CST1: variants seen among roughly 807,000 people sequenced by gnomAD.
The protein encoded by CST1 is cystatin-SN.
Under a neutral mutation model 10.7 loss-of-function variants are expected in CST1, and 19 were observed. The observed-to-expected ratio is 1.78, with a 90% CI of 1.24 to 2.61. The LOEUF is 2.61. CST1 is among the 30% of genes most tolerant of loss of function. The probability of loss-of-function intolerance (pLI) is 0.00; values close to 1 mark genes in which losing one functional copy is unlikely to be tolerated. For synonymous variants in CST1, 95 were observed against 72.8 expected, an observed-to-expected ratio of 1.31 and a Z score of -1.55; for missense variants, 247 against 178.1, an observed-to-expected ratio of 1.39 and a Z score of -2.20.
intron 1 of CST1, among the ~76,000 whole-genome samples, chr20:23,749,627 C>A (rs1392698945): frequency 5.9e-5 from 9 of 152,014 alleles, no homozygotes; most frequent in African/African-American, 2.2e-4. Flanking sequence ...AGAATTGAAC[C>A]CTTTCCCTGC....
rs1211054292 is a variant in CST1, at chr20:23,747,796, G to C, written c.*20C>G. On this transcript the variant is annotated 3_prime_UTR_variant, in exon 3 of 3. Coordinates refer to ENST00000304749, the MANE Select transcript of CST1 (RefSeq NM_001898.3). ...GGTGGGAGTGGGTGGTGGCTGGTGCGAATGGCCTGGCACAGATCCCTAGGA... is the reference window on the plus strand; with the variant it reads ...GGTGGGAGTGGGTGGTGGCTGGTGCCAATGGCCTGGCACAGATCCCTAGGA... The C allele has an allele frequency of 6.2e-7, 1 of 1,611,452 alleles. No homozygotes were observed. The highest frequency in any genetic ancestry group is 1.7e-4 in the Middle Eastern group (1 of 6,044).
chr20:23,749,684 G>T (rs910843523), intron 1 of CST1, among the ~76,000 whole-genome samples: 8 of 151,910 alleles, frequency 5.3e-5, no homozygotes, highest in African/African-American at 1.5e-4. Flanking sequence ...GGAGAAACCT[G>T]GGATGAGGGA....
chr20:23,747,718 G>A lies in CST1; in HGVS notation c.*98C>T. The A allele has an allele frequency of 8.6e-7, 1 of 1,158,808 alleles. No individual in the cohort carries two copies. The highest frequency in any genetic ancestry group is 1.3e-6 in the Non-Finnish European group (1 of 794,728). 71.8% of individuals were successfully genotyped at this position (1,158,808 alleles called of 1,614,324 possible). A position where few individuals can be genotyped will look rare whatever the true frequency, so the allele number is the denominator to read the frequency against. On this transcript the variant is annotated 3_prime_UTR_variant, in exon 3 of 3. Transcript: ENST00000304749. Reference sequence around the variant, plus strand: ...CTGTCTCTTGGCGCAGGCACATGGGGAGGCCTCCCGCAGGGTGGGGGCCAC... The same window carrying A: ...CTGTCTCTTGGCGCAGGCACATGGGAAGGCCTCCCGCAGGGTGGGGGCCAC...
In CST1 at chr20:23,747,647, C is replaced by T; in HGVS notation, c.*169G>A. 1 of 628,234 alleles carries T rather than the reference C, an allele frequency of 1.6e-6. No homozygotes were observed. 38.9% of individuals were successfully genotyped at this position (628,234 alleles called of 1,614,324 possible). ...AGAAGCAAGAAGGAAGGAGGGAGGGCAGAGCGCCCTGCTGAGCAACAAAGG... is the reference window on the plus strand; with the variant it reads ...AGAAGCAAGAAGGAAGGAGGGAGGGTAGAGCGCCCTGCTGAGCAACAAAGG... On this transcript the variant is annotated 3_prime_UTR_variant, in exon 3 of 3. Transcript: ENST00000304749.
At chr20:23,750,538 G>T in intron 1 of CST1, 101 bp downstream of exon 1, 1 of 1,068,296 alleles carries the variant, frequency 9.4e-7, no homozygotes, top group Non-Finnish European at 1.4e-6. Context: ...CTGAGCATTA[G>T]ATCATGAATG....
chr20:23,748,848 A>T (rs1982745301), intron 2 of CST1, among the ~76,000 whole-genome samples, 168 bp downstream of exon 2: 1 of 151,634 alleles, frequency 6.6e-6, no homozygotes, highest in Non-Finnish European at 1.5e-5. Flanking sequence ...GCACACCTAC[A>T]TGCACACCCC....
At position 23,747,911 on chromosome 20, in the gene CST1, A is replaced by G; in HGVS notation, c.343-12T>C. 1.2e-6 allele frequency: 2 copies of G among 1,610,716 alleles called. No homozygotes were observed. Among genetic ancestry groups the G allele is most frequent in the South Asian group, 2.2e-5 (2 of 90,990 alleles). On this transcript the variant is annotated splice_polypyrimidine_tract_variant and intron_variant, in intron 2 of 2. Coordinates refer to ENST00000304749, the MANE Select transcript of CST1 (RefSeq NM_001898.3). ...GAGCACAACTGTTTCTGTGAAAGGG[A>G]AGAGAGAGGGCCAATCAGTGTGGGT... is the stretch of plus-strand genomic sequence containing the variant.
Position 23,750,659 on chromosome 20 carries a change from C to A in CST1, c.208G>T (p.Val70Leu), listed in dbSNP as rs948414101. Residue 70 changes from valine (V) to leucine (L), a missense_variant, in exon 1 of 3, where the codon GTA (valine) becomes TTA (leucine). Physicochemically the swap from Val to Leu is conservative, Grantham distance 32. Coordinates refer to ENST00000304749, the MANE Select transcript of CST1 (RefSeq NM_001898.3). Reference sequence around the variant, plus strand: ...CCTACCTGTTGCCTGGCTCTTAGTACCCGCAGCGGACGTCTGTAGTAGTCA... The same window carrying A: ...CCTACCTGTTGCCTGGCTCTTAGTAACCGCAGCGGACGTCTGTAGTAGTCA... Reference protein sequence around the residue: ...KDDYYRRPLRVLRARQQTVGG... With the variant: ...KDDYYRRPLRLLRARQQTVGG... The A allele has an allele frequency of 3.1e-6, 5 of 1,613,684 alleles. No homozygotes were observed. In the African/African-American group the frequency reaches 6.7e-5, roughly 22 times the overall value.
At position 23,750,681 on chromosome 20, in the gene CST1, G is replaced by C. The variant is rs3188301; in HGVS notation, c.186C>G (p.Asp62Glu). The C allele has an allele frequency of 8.1e-5, 131 of 1,613,942 alleles. No homozygotes were observed. The highest frequency in any genetic ancestry group is 3.2e-4 in the African/African-American group (24 of 74,914). Residue 62 changes from aspartate (D) to glutamate (E), a missense_variant, in exon 1 of 3, where the codon GAC becomes GAG. Transcript: ENST00000304749. ...ISEYNKATKD[D>E]YYRRPLRVLR... ...GTACCCGCAGCGGACGTCTGTAGTA[G>C]TCATCTTTGGTGGCCTTGTTATACT... is the stretch of plus-strand genomic sequence containing the variant.
rs377096439 is a variant in CST1, at chr20:23,748,383, C to T, written c.343-484G>A. Among the ~76,000 whole-genome samples, 21 of 152,208 alleles carry T rather than the reference C, an allele frequency of 1.4e-4. No homozygotes were observed. The South Asian group carries it at 3.9e-3, about 29-fold the overall frequency. Reference sequence around the variant, plus strand: ...GGAGACCTCACAAGAACCAGCAGGTCCTTGGAGAGGCTGGTGTTGGGTGAG... The same window carrying T: ...GGAGACCTCACAAGAACCAGCAGGTTCTTGGAGAGGCTGGTGTTGGGTGAG... On this transcript the variant is annotated intron_variant, in intron 2 of 2. Coordinates refer to ENST00000304749, the MANE Select transcript of CST1 (RefSeq NM_001898.3).
At chr20:23,749,253 A>G (rs1385933430) in intron 1 of CST1, 124 bp from the exon 2 acceptor site, 89 of 818,730 alleles carry the variant, frequency 1.1e-4, no homozygotes, top group Non-Finnish European at 1.7e-4. Flanking sequence ...AACACAAGGC[A>G]CACAAGCCCC....
In CST1 at chr20:23,750,634, C is replaced by T; in HGVS notation, c.228+5G>A. On this transcript the variant is annotated splice_donor_5th_base_variant and intron_variant, in intron 1 of 2. Transcript: ENST00000304749. ...CAGGACCCCTGGGGTGGAGGGAGCACCTACCTGTTGCCTGGCTCTTAGTAC... is the reference window on the plus strand; with the variant it reads ...CAGGACCCCTGGGGTGGAGGGAGCATCTACCTGTTGCCTGGCTCTTAGTAC... 3.1e-6 allele frequency: 5 copies of T among 1,613,640 alleles called. No homozygotes were observed. Among genetic ancestry groups the T allele is most frequent in the Non-Finnish European group, 4.2e-6 (5 of 1,179,902 alleles).
chr20:23,750,336 T>A (rs533428632), intron 1 of CST1, among the ~76,000 whole-genome samples: 1 of 152,228 alleles, frequency 6.6e-6, no homozygotes, highest in East Asian at 1.9e-4. Context: ...CTGGATCTCA[T>A]CCTGAGCAGC....
rs755348321 is a variant in CST1 at position 23,749,012 on chromosome 20, G to T, written c.342+4C>A. Reference sequence around the variant, plus strand: ...CTGGCCCGGGACCTGCATCAGGAACGTACCTTCTGCAGTTCTGGCTGTTCA... The same window carrying T: ...CTGGCCCGGGACCTGCATCAGGAACTTACCTTCTGCAGTTCTGGCTGTTCA... On this transcript the variant is annotated splice_donor_region_variant and intron_variant, in intron 2 of 2. Transcript: ENST00000304749. 4 of 1,614,126 alleles carry T rather than the reference G, an allele frequency of 2.5e-6. No individual in the cohort carries two copies. Among genetic ancestry groups the T allele is most frequent in the Non-Finnish European group, 3.4e-6 (4 of 1,180,010 alleles).
At chr20:23,747,975 G>C (rs142422717) in intron 2 of CST1, 76 bp from the exon 3 acceptor site, 89,078 of 1,409,830 alleles carry the variant, frequency 0.063, 3,158 homozygotes, top group Non-Finnish European at 0.072. Context: ...TGAGATGTCA[G>C]AGCCTGGGTG....
rs1568746890 is a variant in CST1 at position 23,747,917 on chromosome 20, G to A, written c.343-18C>T. The A allele has an allele frequency of 5.6e-6, 9 of 1,606,420 alleles. No individual in the cohort carries two copies. Among genetic ancestry groups the A allele is most frequent in the East Asian group, 4.5e-5 (2 of 44,822 alleles). On this transcript the variant is annotated intron_variant, in intron 2 of 2. Coordinates refer to ENST00000304749, the MANE Select transcript of CST1 (RefSeq NM_001898.3). The stretch of plus-strand genomic sequence containing the variant: ...AACTGTTTCTGTGAAAGGGAAGAGA[G>A]AGGGCCAATCAGTGTGGGTTACAGT...
chr20:23,750,779 T>C lies in CST1; in HGVS notation c.88A>G (p.Ile30Val), dbSNP rs149367943. Residue 30 changes from isoleucine (I) to valine (V), a missense_variant, in exon 1 of 3, where the codon ATC becomes GTC. By Grantham distance (29) the Ile-to-Val change is conservative. Transcript: ENST00000304749. ...TCTGCGTTATAGATGCCACCCGGGA[T>C]TATCCTATCCTCCTCCTTGGGGCTC... Reference protein sequence around the residue: ...AWSPKEEDRIIPGGIYNADLN... With the variant: ...AWSPKEEDRIVPGGIYNADLN... 177 of 1,614,116 alleles carry C rather than the reference T, an allele frequency of 1.1e-4. 1 individual carries two copies. The African/African-American group carries it at 2.2e-3, about 20-fold the overall frequency.
rs376276906 is a variant in CST1, at chr20:23,747,769, G to C, written c.*47C>G. The C allele has an allele frequency of 1.3e-6, 2 of 1,581,982 alleles. No homozygotes were observed. Among genetic ancestry groups the C allele is most frequent in the Middle Eastern group, 1.7e-4 (1 of 5,936 alleles). On this transcript the variant is annotated 3_prime_UTR_variant, in exon 3 of 3. Coordinates refer to ENST00000304749, the MANE Select transcript of CST1 (RefSeq NM_001898.3). ...CAGTCCAGGGGTGGGAGCACTACAG[G>C]GGGTGGGAGTGGGTGGTGGCTGGTG...
In CST1 at chr20:23,747,771, G is replaced by A. The variant is rs200230343; in HGVS notation, c.*45C>T. 8.8e-6 allele frequency: 14 copies of A among 1,582,400 alleles called. No individual in the cohort carries two copies. The East Asian group carries it at 1.1e-4, about 13-fold the overall frequency. On this transcript the variant is annotated 3_prime_UTR_variant, in exon 3 of 3. Coordinates refer to ENST00000304749, the MANE Select transcript of CST1 (RefSeq NM_001898.3). The stretch of plus-strand genomic sequence containing the variant: ...GTCCAGGGGTGGGAGCACTACAGGG[G>A]GTGGGAGTGGGTGGTGGCTGGTGCG...
Sources: allele counts gnomAD v4.1 joint callset (sites outside exome capture counted in the v4.1 genomes callset), GRCh38; gene constraint gnomAD v4.1.1; transcripts MANE v1.5; gene names NCBI Gene and HGNC (gene_info 2026-07-23, HGNC 2026-07-21).